The following ZHX3 variants were observed in gnomAD, a reference collection of about 807,000 sequenced individuals.
ZHX3 encodes zinc fingers and homeoboxes protein 3.
A neutral mutation model predicts 64.5 loss-of-function variants in ZHX3; 20 were observed. That is an observed-to-expected ratio of 0.31 (90% confidence interval 0.22 to 0.45). ZHX3 has a LOEUF of 0.45. Ranked by LOEUF, ZHX3 falls within the 20% of genes least tolerant of loss-of-function variation. The pLI, the probability that ZHX3 is intolerant of heterozygous loss-of-function variation, is 1.00. For missense variants in ZHX3, 1,041 were observed against 1,195.8 expected (o/e 0.87, Z 1.91); for synonymous variants, 423 against 461.6 (o/e 0.92, Z 1.07).
In ZHX3 at chr20:41,203,792, C is replaced by T; in HGVS notation, c.1125G>A (p.Met375Ile). 6.2e-7 allele frequency: 1 copy of T among 1,614,240 alleles called. No homozygotes were observed. Among genetic ancestry groups the T allele is most frequent in the South Asian group, 1.1e-5 (1 of 91,088 alleles). The change falls in exon 3 of 4, where the codon ATG becomes ATA. Residue 375 changes from methionine (M) to isoleucine (I), a missense_variant. Met to Ile is a conservative substitution (Grantham distance 10). This residue lies in a region of ZHX3 where 649 missense variants were observed against 739.8 expected (regional missense o/e 0.88). Transcript: ENST00000683867. This position sits in a 1 kb window ranked among gnomAD's most constrained non-coding sequence, Gnocchi z 7.1. ...PEEIEDARKK[M>I]FNTVIQSVPQ... is the part of the protein sequence containing the mutation. ...GCACAGACTGGATGACTGTATTGAA[C>T]ATCTTTTTCCGGGCATCCTCAATCT...
At chr20:41,191,345 G>A (rs994828376) in intron 3 of ZHX3, among the ~76,000 whole-genome samples, 1 of 151,900 alleles carries the variant, frequency 6.6e-6, no homozygotes, top group Non-Finnish European at 1.5e-5. Context: ...TTTGTTTCAT[G>A]AAGTCTTCTA....
chr20:41,178,951 CA>C lies in ZHX3; in HGVS notation c.*6239del, dbSNP rs1202216919. 2.0e-5 allele frequency: 3 copies of C among 152,670 alleles called. No individual in the cohort carries two copies. The highest frequency in any genetic ancestry group is 7.2e-5 in the African/African-American group (3 of 41,456). The allele number at this position is 152,670 out of a possible 1,614,324, so 9.5% of individuals were successfully genotyped here. ...CCTTTTCAGCCATCTCTCCTGACAGCAGACTGCTCAACAGTCACTCCCCAGT... is the reference window on the plus strand; with the variant it reads ...CCTTTTCAGCCATCTCTCCTGACAGCGACTGCTCAACAGTCACTCCCCAGT... On this transcript the variant is annotated 3_prime_UTR_variant, in exon 4 of 4. Coordinates refer to ENST00000683867, the MANE Select transcript of ZHX3 (RefSeq NM_001384317.1).
At chr20:41,233,123 T>C (rs1359117655) in intron 2 of ZHX3, among the ~76,000 whole-genome samples, 3 of 152,264 alleles carry the variant, frequency 2.0e-5, no homozygotes, top group African/African-American at 7.2e-5. Flanking sequence ...TTTTGAATGC[T>C]GAATTCAGAC....
intron 1 of ZHX3, among the ~76,000 whole-genome samples, chr20:41,313,636 C>T (rs1427874576): frequency 2.5e-5 from 3 of 119,396 alleles, no homozygotes; most frequent in South Asian, 2.7e-4. Context: ...CTCACTCTGT[C>T]GCCCAGGCTG....
chr20:41,255,084 T>C (rs1434652149), intron 2 of ZHX3, among the ~76,000 whole-genome samples: 3 of 152,000 alleles, frequency 2.0e-5, no homozygotes, highest in Admixed American at 6.5e-5. Context: ...TAGAGTTTAA[T>C]AAAAGGTAGG....
chr20:41,298,791 C>A (rs571850037), intron 1 of ZHX3, among the ~76,000 whole-genome samples: 136 of 152,138 alleles, frequency 8.9e-4, no homozygotes, highest in Non-Finnish European at 2.1e-4. Context: ...GATCCAGAAT[C>A]TGAAGAGAGG....
intron 2 of ZHX3, among the ~76,000 whole-genome samples, chr20:41,240,710 A>G (rs903060353): frequency 2.6e-5 from 4 of 151,994 alleles, no homozygotes; most frequent in African/African-American, 7.3e-5. Flanking sequence ...CTGTATCTCG[A>G]TAAGTTCAAT....
intron 1 of ZHX3, among the ~76,000 whole-genome samples, chr20:41,289,437 CAG>C (rs141177621): frequency 0.18 from 27,687 of 152,004 alleles, 4,187 homozygotes; most frequent in African/African-American, 0.42. Context: ...CACAGTCAAA[CAG>C]AGAAAAATAA....
chr20:41,241,478 T>G (rs1432734007), intron 2 of ZHX3, among the ~76,000 whole-genome samples: 1 of 152,216 alleles, frequency 6.6e-6, no homozygotes, highest in African/African-American at 2.4e-5. Context: ...CTTTGTTAAT[T>G]GTTCCCCTTG....
At chr20:41,304,128 CCT>C (rs370784421) in intron 1 of ZHX3, among the ~76,000 whole-genome samples, 4 of 152,172 alleles carry the variant, frequency 2.6e-5, no homozygotes, top group African/African-American at 7.2e-5. Context: ...TGATCTTCCC[CCT>C]GTCTGTCTAC....
chr20:41,258,810 G>A (rs1020841666), intron 2 of ZHX3, among the ~76,000 whole-genome samples: 22 of 152,150 alleles, frequency 1.4e-4, no homozygotes, highest in Non-Finnish European at 1.0e-4. Context: ...CGTTGAGGTA[G>A]TTTGAGATGA....
chr20:41,271,125 T>C (rs2043127251), intron 1 of ZHX3, among the ~76,000 whole-genome samples: 1 of 152,104 alleles, frequency 6.6e-6, no homozygotes, highest in African/African-American at 2.4e-5. Context: ...AGTCCAAGCA[T>C]TTCTCCTGCC....
rs79960191 is a variant in ZHX3, at chr20:41,272,983, T to C, written c.-244-3900A>G. On this transcript the variant is annotated intron_variant, in intron 1 of 3. Coordinates refer to ENST00000683867, the MANE Select transcript of ZHX3 (RefSeq NM_001384317.1). ...CCCACAGTGGCTTCAACATTTTACA[T>C]TCCCACCAGCAAAGTACAAGGTTCT... is the stretch of plus-strand genomic sequence containing the variant. Among the ~76,000 whole-genome samples, 6,323 of 152,268 alleles carry C rather than the reference T, an allele frequency of 0.042. 763 individuals carry two copies. The East Asian group carries it at 0.48, about 12-fold the overall frequency.
In ZHX3 at chr20:41,202,703, A is replaced by G. The variant is rs1283504102; in HGVS notation, c.2214T>C (p.Asn738=). The change falls in exon 3 of 4, where the codon AAT becomes AAC. Residue 738 remains asparagine, a synonymous_variant. Coordinates refer to ENST00000683867, the MANE Select transcript of ZHX3 (RefSeq NM_001384317.1). The surrounding 1 kb of genome is among the most constrained non-coding windows in gnomAD (Gnocchi z 7.0). ...CCAGCCCTGGAATCTCGTTCCTGCC[A>G]TTGGCTTCAGTGACCCTCAGGTTCT... is the stretch of plus-strand genomic sequence containing the variant. ...NLKNLRVTEA[N]GRNEIPGLGA... The G allele has an allele frequency of 6.2e-7, 1 of 1,614,056 alleles. No individual in the cohort carries two copies. Among genetic ancestry groups the G allele is most frequent in the Non-Finnish European group, 8.5e-7 (1 of 1,180,008 alleles).
chr20:41,207,179 C>T (rs2038783951), intron 2 of ZHX3, among the ~76,000 whole-genome samples: 1 of 152,144 alleles, frequency 6.6e-6, no homozygotes, highest in Non-Finnish European at 1.5e-5. Context: ...ACAACTGGTA[C>T]CAGCCACTGC....
chr20:41,286,276 T>C (rs889483115), intron 1 of ZHX3, among the ~76,000 whole-genome samples: 3 of 152,222 alleles, frequency 2.0e-5, no homozygotes, highest in Non-Finnish European at 2.9e-5. Flanking sequence ...TTTTTAGCAA[T>C]GGTCAGTGAA....
At chr20:41,256,087 CAATT>C (rs1467003210) in intron 2 of ZHX3, among the ~76,000 whole-genome samples, 2 of 152,120 alleles carry the variant, frequency 1.3e-5, no homozygotes, top group African/African-American at 2.4e-5. Context: ...AAAATAGTAA[CAATT>C]TATTTTTACA....
chr20:41,294,676 T>A (rs1422287469), intron 1 of ZHX3, among the ~76,000 whole-genome samples: 1 of 151,870 alleles, frequency 6.6e-6, no homozygotes, highest in Non-Finnish European at 1.5e-5. Flanking sequence ...GCAATAGTTT[T>A]TAAAACCTAA....
chr20:41,299,290 A>G (rs947322000), intron 1 of ZHX3, among the ~76,000 whole-genome samples: 3 of 152,212 alleles, frequency 2.0e-5, no homozygotes, highest in African/African-American at 7.2e-5. Flanking sequence ...TCAGCCCAAC[A>G]CTATATCAAA....
Sources: allele counts gnomAD v4.1 joint callset (sites outside exome capture counted in the v4.1 genomes callset), GRCh38; gene constraint gnomAD v4.1.1; regional missense constraint gnomAD v4.1.1; non-coding constraint Gnocchi (gnomAD v3.1); transcripts MANE v1.5; gene names NCBI Gene and HGNC (gene_info 2026-07-23, HGNC 2026-07-21).